PPP2R2D: variants seen among roughly 807,000 people sequenced by gnomAD.
PPP2R2D encodes the protein serine/threonine-protein phosphatase 2A 55 kDa regulatory subunit B delta isoform.
A neutral mutation model predicts 31.1 loss-of-function variants in PPP2R2D; 9 were observed. That is an observed-to-expected ratio of 0.29 (90% confidence interval 0.17 to 0.51). PPP2R2D has a LOEUF of 0.51. PPP2R2D is among the 20% of genes least tolerant of loss of function. The probability of loss-of-function intolerance (pLI) is 0.98; values close to 1 mark genes in which losing one functional copy is unlikely to be tolerated. For synonymous variants in PPP2R2D, 179 were observed against 172.6 expected (o/e 1.04, Z -0.29); for missense variants, 391 against 465.6 (o/e 0.84, Z 1.48).
At chr10:131,916,666 GTGTTTGTAGGGA>G (rs2035788616) in intron 2 of PPP2R2D, among the ~76,000 whole-genome samples, 2 of 150,156 alleles carry the variant, frequency 1.3e-5, no homozygotes, top group East Asian at 2.0e-4. Flanking sequence ...GAATGACACA[GTGTTTGTAGGGA>G]CCTCAGGCAG....
intron 2 of PPP2R2D, among the ~76,000 whole-genome samples, chr10:131,920,554 A>T (rs1223913823): frequency 3.3e-5 from 5 of 152,258 alleles, no homozygotes; most frequent in Non-Finnish European, 7.3e-5. Context: ...AGCATATGTC[A>T]GAATTTCATT....
At chr10:131,942,076 G>T (rs1190470813) in intron 5 of PPP2R2D, among the ~76,000 whole-genome samples, 1 of 152,150 alleles carries the variant, frequency 6.6e-6, no homozygotes, top group African/African-American at 2.4e-5. Flanking sequence ...TAAAGTAGAA[G>T]TGTGATGGGA....
intron 8 of PPP2R2D, 89 bp from the exon 9 acceptor site, chr10:131,955,595 G>A (rs550634397): frequency 1.5e-5 from 18 of 1,191,958 alleles, no homozygotes; most frequent in South Asian, 1.4e-4. Context: ...GGAGGGTGGC[G>A]TGCGCTGTGC....
intron 2 of PPP2R2D, among the ~76,000 whole-genome samples, chr10:131,922,451 ATTG>A (rs2036005849): frequency 7.3e-6 from 1 of 137,292 alleles, no homozygotes; most frequent in Non-Finnish European, 1.5e-5. Context: ...TTATCTGTCA[ATTG>A]TTTTTTTTTT....
intron 2 of PPP2R2D, among the ~76,000 whole-genome samples, chr10:131,902,382 A>G: frequency 6.6e-6 from 1 of 151,580 alleles, no homozygotes; most frequent in East Asian, 1.9e-4. Context: ...GTGAACTTTT[A>G]CTCCCTCTTC....
intron 8 of PPP2R2D, among the ~76,000 whole-genome samples, chr10:131,954,153 C>T (rs1321277434): frequency 1.3e-4 from 20 of 152,156 alleles, no homozygotes; most frequent in Admixed American, 1.1e-3. Context: ...TGCTGGGCAG[C>T]GCCCTTGTTT....
chr10:131,905,564 G>A (rs2119707228), intron 2 of PPP2R2D, among the ~76,000 whole-genome samples: 1 of 152,326 alleles, frequency 6.6e-6, no homozygotes, highest in Non-Finnish European at 1.5e-5. Flanking sequence ...CGAAGGTCAT[G>A]ATAGGTAACA....
chr10:131,943,236 T>C (rs1554897442), intron 5 of PPP2R2D, among the ~76,000 whole-genome samples: 1 of 152,106 alleles, frequency 6.6e-6, no homozygotes, highest in Non-Finnish European at 1.5e-5. Flanking sequence ...CCTTTCTATT[T>C]CTGTGCGAAT....
chr10:131,940,885 C>T (rs1381121716), intron 5 of PPP2R2D, 191 bp downstream of exon 5: 2 of 507,404 alleles, frequency 3.9e-6, no homozygotes, highest in East Asian at 6.3e-5. Flanking sequence ...TTCACAAAGG[C>T]AGAAAGTCAC....
chr10:131,907,188 A>T (rs1392773461), intron 2 of PPP2R2D, among the ~76,000 whole-genome samples: 2 of 151,886 alleles, frequency 1.3e-5, no homozygotes, highest in South Asian at 4.2e-4. Flanking sequence ...TTTGGTATTT[A>T]TTCATTTATA....
chr10:131,955,771 G>T lies in PPP2R2D; in HGVS notation c.1170G>T (p.Glu390Asp), dbSNP rs201895841. 6.3e-7 allele frequency: 1 copy of T among 1,589,412 alleles called. No individual in the cohort carries two copies. Among genetic ancestry groups the T allele is most frequent in the African/African-American group, 1.3e-5 (1 of 74,126 alleles). Residue 390 changes from glutamate (E) to aspartate (D), a missense_variant, in exon 9 of 9, where the codon GAG becomes GAT. Coordinates refer to ENST00000455566, the MANE Select transcript of PPP2R2D (RefSeq NM_018461.5). Reference protein sequence around the residue: ...RRDVTLEASRESSKPRASLKP... With the variant: ...RRDVTLEASRDSSKPRASLKP... ...ATGTGACCCTGGAGGCCTCGAGAGA[G>T]AGCAGCAAACCGCGCGCCAGCCTCA...
Position 131,909,417 on chromosome 10 carries a change from G to A in PPP2R2D, c.100+8087G>A, listed in dbSNP as rs995048548. Among the ~76,000 whole-genome samples, 342 of 152,026 alleles carry A rather than the reference G, an allele frequency of 2.2e-3. 2 individuals are homozygous for A. The highest frequency in any genetic ancestry group is 8.0e-3 in the African/African-American group (332 of 41,544). ...GTAAGAATGGAGATAGGAAGTTACT[G>A]CAATAATAAAGATTGGGAAAATGGG... On this transcript the variant is annotated intron_variant, in intron 2 of 8. Coordinates refer to ENST00000455566, the MANE Select transcript of PPP2R2D (RefSeq NM_018461.5).
chr10:131,952,225 A>G (rs1390200674), intron 8 of PPP2R2D, among the ~76,000 whole-genome samples: 1 of 32,026 alleles, frequency 3.1e-5, no homozygotes, highest in Non-Finnish European at 5.1e-5. Flanking sequence ...GGGGGGGTTC[A>G]CTGTCTTAGC....
At chr10:131,951,513 G>A (rs782276177) in intron 8 of PPP2R2D, among the ~76,000 whole-genome samples, 11 of 152,182 alleles carry the variant, frequency 7.2e-5, no homozygotes, top group Non-Finnish European at 1.2e-4. Flanking sequence ...CATACAAGAC[G>A]GTTTTGTTTT....
Position 131,956,697 on chromosome 10 carries a change from C to A in PPP2R2D, c.*734C>A, listed in dbSNP as rs7077744. 2.4e-6 allele frequency: 1 copy of A among 422,932 alleles called. No individual in the cohort carries two copies. The highest frequency in any genetic ancestry group is 3.2e-6 in the Non-Finnish European group (1 of 316,144). The allele number at this position is 422,932 out of a possible 1,614,324, so 26.2% of individuals were successfully genotyped here. On this transcript the variant is annotated 3_prime_UTR_variant, in exon 9 of 9. Coordinates refer to ENST00000455566, the MANE Select transcript of PPP2R2D (RefSeq NM_018461.5). ...GCATTTCTGTCCCCAAGCTGCTGCC[C>A]GCTGTGTTTCTGTAGAAGTAGCCCA... is the stretch of plus-strand genomic sequence containing the variant.
At chr10:131,918,696 G>T (rs1447280953) in intron 2 of PPP2R2D, among the ~76,000 whole-genome samples, 1 of 147,136 alleles carries the variant, frequency 6.8e-6, no homozygotes, top group African/African-American at 2.5e-5. Flanking sequence ...ACCTCACGCG[G>T]GTGGAATGAC....
intron 2 of PPP2R2D, among the ~76,000 whole-genome samples, chr10:131,918,215 G>A (rs1373361863): frequency 6.6e-6 from 1 of 150,940 alleles, no homozygotes; most frequent in Non-Finnish European, 1.5e-5. Context: ...TCAGGCAGGT[G>A]GAATGACACA....
rs187450858 is a variant in PPP2R2D at position 131,958,373 on chromosome 10, G to A, written c.*2410G>A. The A allele has an allele frequency of 2.8e-4, 55 of 193,056 alleles. No homozygotes were observed. The highest frequency in any genetic ancestry group is 1.2e-3 in the African/African-American group (48 of 40,286). 12.0% of individuals were successfully genotyped at this position (193,056 alleles called of 1,614,324 possible). ...TCCCCCGTCTTCCTGTGGAGATGAA[G>A]GTGTGTGCTGATTCCTCATGCCCCT... On this transcript the variant is annotated 3_prime_UTR_variant, in exon 9 of 9. Coordinates refer to ENST00000455566, the MANE Select transcript of PPP2R2D (RefSeq NM_018461.5).
the PPP2R2D span, chr10:131,970,950 T>C: frequency 1.9e-6 from 3 of 1,614,112 alleles, no homozygotes; most frequent in South Asian, 3.3e-5. The surrounding 1 kb of genome is among the most constrained non-coding windows in gnomAD (Gnocchi z 4.1). Context: ...CTTTCCTTCT[T>C]TCAATATCAT....
Sources: gnomAD v4.1 joint callset for allele counts (sites outside exome capture counted in the v4.1 genomes callset) on GRCh38, gnomAD v4.1.1 for gene constraint, Gnocchi (gnomAD v3.1) non-coding constraint, MANE v1.5 for transcripts, NCBI Gene and HGNC (gene_info 2026-07-23, HGNC 2026-07-21) for gene names.